The following C14orf93 variants were observed in gnomAD, a reference collection of about 807,000 sequenced individuals.
C14orf93 encodes the protein uncharacterized protein C14orf93.
Under a neutral mutation model 44.0 loss-of-function variants are expected in C14orf93, and 23 were observed. The observed-to-expected ratio is 0.52, with a 90% CI of 0.38 to 0.74. C14orf93 has a LOEUF of 0.74. Among genes scored for constraint, C14orf93 ranks in the 30% least tolerant of loss-of-function variants. C14orf93 has a pLI of 0.00. For synonymous variants in C14orf93, 253 were observed against 265.7 expected, an observed-to-expected ratio of 0.95 and a Z score of 0.46; for missense variants, 579 against 678.9, an observed-to-expected ratio of 0.85 and a Z score of 1.64.
chr14:23,000,408 A>G (rs1207941188), intron 1 of C14orf93, among the ~76,000 whole-genome samples: 1 of 152,142 alleles, frequency 6.6e-6, no homozygotes, highest in Non-Finnish European at 1.5e-5. Flanking sequence ...TGTAAATTAA[A>G]ACATCACAAT....
At chr14:23,003,970 C>T (rs1363980689) in intron 1 of C14orf93, among the ~76,000 whole-genome samples, 1 of 113,954 alleles carries the variant, frequency 8.8e-6, no homozygotes, top group East Asian at 3.2e-4. Context: ...AGTGTGGAGG[C>T]ACGATCTTGG....
chr14:23,000,507 G>A (rs1490739179), intron 1 of C14orf93, among the ~76,000 whole-genome samples: 1 of 152,052 alleles, frequency 6.6e-6, no homozygotes, highest in Non-Finnish European at 1.5e-5. Context: ...CCTGAGGTCA[G>A]GAGTTTGAGA....
chr14:23,004,711 G>C (rs1167521659), intron 1 of C14orf93, among the ~76,000 whole-genome samples: 1 of 152,038 alleles, frequency 6.6e-6, no homozygotes, highest in Non-Finnish European at 1.5e-5. Flanking sequence ...CTGAGGTCAG[G>C]AGTTCGAGAC....
At chr14:22,990,755 C>A (rs2045559803) in intron 3 of C14orf93, among the ~76,000 whole-genome samples, 1 of 151,890 alleles carries the variant, frequency 6.6e-6, no homozygotes, top group African/African-American at 2.4e-5. Context: ...AGGCATGAGC[C>A]ACCACGCCCA....
intron 1 of C14orf93, among the ~76,000 whole-genome samples, chr14:23,002,388 G>A (rs1238814211): frequency 2.1e-5 from 3 of 144,934 alleles, no homozygotes; most frequent in Non-Finnish European, 3.0e-5. Flanking sequence ...GGAGTCAGAG[G>A]TTGCAGTGAG....
chr14:23,004,645 G>A (rs991211211), intron 1 of C14orf93, among the ~76,000 whole-genome samples: 2 of 152,160 alleles, frequency 1.3e-5, no homozygotes, highest in Non-Finnish European at 2.9e-5. Flanking sequence ...GAGGCCAGGT[G>A]CAGTGGCTCA....
chr14:22,998,281 T>G, intron 2 of C14orf93, 146 bp downstream of exon 2: 1 of 1,204,302 alleles, frequency 8.3e-7, no homozygotes, highest in East Asian at 2.8e-5. Context: ...TGACTATCCC[T>G]GAAGGAAAAG....
At chr14:23,003,741 C>T (rs2046424606) in intron 1 of C14orf93, among the ~76,000 whole-genome samples, 1 of 149,286 alleles carries the variant, frequency 6.7e-6, no homozygotes, top group African/African-American at 2.5e-5. Flanking sequence ...GCAGAGGTTG[C>T]AGTGAGCCAA....
rs113664500 is a variant in C14orf93 at position 22,998,604 on chromosome 14, G to A, written c.420C>T (p.Ala140=). Residue 140 remains alanine, a synonymous_variant, in exon 2 of 7, where the codon GCC becomes GCT. Coordinates refer to ENST00000299088, the MANE Select transcript of C14orf93 (RefSeq NM_021944.4). The part of the protein sequence containing the change: ...SPGEAFKALS[A]VEEECDSVGS... ...CCACGCTGTCACACTCCTCTTCCAC[G>A]GCAGACAGAGCCTTAAAGGCTTCCC... The A allele has an allele frequency of 5.6e-4, 901 of 1,614,094 alleles. 1 individual carries two copies. The highest frequency in any genetic ancestry group is 7.1e-4 in the Non-Finnish European group (839 of 1,180,012).
chr14:23,003,706 C>G (rs914745212), intron 1 of C14orf93, among the ~76,000 whole-genome samples: 1 of 150,798 alleles, frequency 6.6e-6, no homozygotes, highest in Non-Finnish European at 1.5e-5. Context: ...GAGGCTGAGA[C>G]AGGAGGATGG....
At chr14:22,994,821 T>C (rs1277609930) in intron 3 of C14orf93, among the ~76,000 whole-genome samples, 2 of 152,308 alleles carry the variant, frequency 1.3e-5, no homozygotes, top group East Asian at 1.9e-4. Flanking sequence ...CTCTTCACTA[T>C]TGGCATTTTG....
intron 1 of C14orf93, chr14:23,007,098 G>A (rs1018425999): frequency 6.6e-6 from 1 of 152,292 alleles, no homozygotes; most frequent in Admixed American, 6.5e-5. Context: ...GGCAGAGGCG[G>A]AGGCGGGCGC....
At position 22,999,300 on chromosome 14, in the gene C14orf93, C is replaced by T. The variant is rs574362727; in HGVS notation, c.-277G>A. ...CACAAATCAAGGCCTTCCTGATGAA[C>T]GGTTTCAGACGGTAGAGAGCATTCC... On this transcript the variant is annotated 5_prime_UTR_variant, in exon 2 of 7. Transcript: ENST00000299088. 8 of 329,246 alleles carry T rather than the reference C, an allele frequency of 2.4e-5. No individual in the cohort carries two copies. Among genetic ancestry groups the T allele is most frequent in the South Asian group, 5.6e-5 (1 of 17,890 alleles). 20.4% of individuals were successfully genotyped at this position (329,246 alleles called of 1,614,324 possible).
At position 22,996,149 on chromosome 14, in the gene C14orf93, T is replaced by G; in HGVS notation, c.717A>C (p.Gly239=). 2 of 1,614,088 alleles carry G rather than the reference T, an allele frequency of 1.2e-6. No homozygotes were observed. The highest frequency in any genetic ancestry group is 1.7e-6 in the Non-Finnish European group (2 of 1,179,966). The change falls in exon 3 of 7, where the codon GGA becomes GGC. Residue 239 remains glycine (G), a synonymous_variant. Coordinates refer to ENST00000299088, the MANE Select transcript of C14orf93 (RefSeq NM_021944.4). This position sits in a 1 kb window ranked among gnomAD's most constrained non-coding sequence, Gnocchi z 4.1. The part of the protein sequence containing the change: ...LAIQRATPET[G]PENGTKLPPP... ...GTGGCAGCTTGGTTCCATTTTCTGG[T>G]CCTGTCTCTGGGGTTGCCCGCTGGA...
chr14:22,987,293 T>C lies in C14orf93; in HGVS notation c.1539A>G (p.Pro513=). ...AGGTTTTGTGGGGTTGGTCAAAAGA[T>C]GGGGAGCCAGGTGCATTCTCATCCC... ...EGGDENAPGS[P]SFDQPHKTCC... The change falls in exon 7 of 7, where the codon CCA becomes CCG. Residue 513 remains proline (P), a synonymous_variant. Transcript: ENST00000299088. The surrounding 1 kb of genome is among the most constrained non-coding windows in gnomAD (Gnocchi z 5.6). 1 of 1,614,214 alleles carries C rather than the reference T, an allele frequency of 6.2e-7. No homozygotes were observed. The highest frequency in any genetic ancestry group is 8.5e-7 in the Non-Finnish European group (1 of 1,180,030).
intron 1 of C14orf93, among the ~76,000 whole-genome samples, chr14:23,003,528 C>T (rs2046410528): frequency 6.6e-6 from 1 of 151,970 alleles, no homozygotes; most frequent in African/African-American, 2.4e-5. Flanking sequence ...GTGGCTTACG[C>T]CTATAATCCC....
chr14:22,989,942 C>T, intron 4 of C14orf93, 97 bp from the exon 5 acceptor site: 1 of 1,448,148 alleles, frequency 6.9e-7, no homozygotes, highest in South Asian at 1.2e-5. Flanking sequence ...GCAAATCCCT[C>T]CACAGCCTAA....
chr14:22,998,087 A>G, intron 2 of C14orf93: 1 of 254,704 alleles, frequency 3.9e-6, no homozygotes. Flanking sequence ...AATATGAATG[A>G]GCCGTCTGTG....
chr14:22,987,082 CTG>C lies in C14orf93; in HGVS notation c.*131_*132del, dbSNP rs2045262847. The C allele has an allele frequency of 1.1e-6, 1 of 933,052 alleles. No individual in the cohort carries two copies. Among genetic ancestry groups the C allele is most frequent in the Non-Finnish European group, 1.6e-6 (1 of 634,384 alleles). 57.8% of individuals were successfully genotyped at this position (933,052 alleles called of 1,614,324 possible). Reference sequence around the variant, plus strand: ...CAGTGTTCTGCTTCCCCAGTAGAGACTGTGTTAAGAAAAGAGGCAAATTTGCT... The same window carrying C: ...CAGTGTTCTGCTTCCCCAGTAGAGACTGTTAAGAAAAGAGGCAAATTTGCT... On this transcript the variant is annotated 3_prime_UTR_variant, in exon 7 of 7. Transcript: ENST00000299088. The surrounding 1 kb of genome is among the most constrained non-coding windows in gnomAD (Gnocchi z 5.6).
Sources: gnomAD v4.1 joint callset for allele counts (sites outside exome capture counted in the v4.1 genomes callset) on GRCh38, gnomAD v4.1.1 for gene constraint, Gnocchi (gnomAD v3.1) non-coding constraint, MANE v1.5 for transcripts, NCBI Gene and HGNC (gene_info 2026-07-23, HGNC 2026-07-21) for gene names.